The following HEPHL1 variants were observed in gnomAD, a reference collection of about 807,000 sequenced individuals.
The protein encoded by HEPHL1 is ferroxidase HEPHL1.
Under a neutral mutation model 122.0 loss-of-function variants are expected in HEPHL1, and 123 were observed. The ratio of observed to expected loss-of-function variants is 1.01; its 90% CI spans 0.87 to 1.17. HEPHL1 has a LOEUF of 1.17. HEPHL1 is among the 50% of genes most tolerant of loss of function. The pLI is 0.00. For missense variants in HEPHL1, 1,452 were observed against 1,430.5 expected (o/e 1.01, Z -0.24); for synonymous variants, 527 against 508.9 (o/e 1.04, Z -0.48).
chr11:94,109,375 C>G (rs987845153), intron 17 of HEPHL1, among the ~76,000 whole-genome samples: 1 of 152,082 alleles, frequency 6.6e-6, no homozygotes, highest in Non-Finnish European at 1.5e-5. Flanking sequence ...TGGCTAGGAC[C>G]TGTAGTGCAA....
intron 1 of HEPHL1, among the ~76,000 whole-genome samples, chr11:94,039,547 A>G: frequency 1.3e-5 from 2 of 151,690 alleles, no homozygotes; most frequent in South Asian, 4.2e-4. Context: ...CAATCAAACT[A>G]CAACTCAGGA....
chr11:94,047,330 G>A (rs530541539), intron 2 of HEPHL1, among the ~76,000 whole-genome samples: 1 of 152,234 alleles, frequency 6.6e-6, no homozygotes, highest in East Asian at 1.9e-4. Context: ...GTCCCCATTA[G>A]TTATTTTTCC....
chr11:94,091,632 A>C (rs1946264187), intron 12 of HEPHL1, among the ~76,000 whole-genome samples: 1 of 152,194 alleles, frequency 6.6e-6, no homozygotes, highest in Non-Finnish European at 1.5e-5. Context: ...ACTTTAGAAC[A>C]AGTATGTTCT....
chr11:94,090,378 AAT>A (rs1203200705), intron 12 of HEPHL1, among the ~76,000 whole-genome samples: 1 of 152,234 alleles, frequency 6.6e-6, no homozygotes, highest in African/African-American at 2.4e-5. Context: ...AATGTATAAA[AAT>A]ATAGCCTTTA....
At chr11:94,110,650 G>A (rs1468913121) in intron 17 of HEPHL1, among the ~76,000 whole-genome samples, 2 of 152,206 alleles carry the variant, frequency 1.3e-5, no homozygotes, top group Non-Finnish European at 2.9e-5. Context: ...ATGAATACCA[G>A]GAGGTGGGGA....
At chr11:94,094,666 T>C (rs1388956635) in intron 13 of HEPHL1, among the ~76,000 whole-genome samples, 1 of 152,204 alleles carries the variant, frequency 6.6e-6, no homozygotes, top group African/African-American at 2.4e-5. Flanking sequence ...ACCTGTTGTT[T>C]CCTGACTTTT....
rs970682196 is a variant in HEPHL1, at chr11:94,114,120, C to T, written c.*2226C>T. Among the ~76,000 whole-genome samples, 7 of 152,182 alleles carry T rather than the reference C, an allele frequency of 4.6e-5. No homozygotes were observed. Among genetic ancestry groups the T allele is most frequent in the Non-Finnish European group, 1.0e-4 (7 of 68,028 alleles). ...TTCATTCCCTTGGGTATCCATTTTTCCTCCTGCATCTTTCTATGAAACCAT... is the reference window on the plus strand; with the variant it reads ...TTCATTCCCTTGGGTATCCATTTTTTCTCCTGCATCTTTCTATGAAACCAT... On this transcript the variant is annotated 3_prime_UTR_variant, in exon 20 of 20. Coordinates refer to ENST00000315765, the MANE Select transcript of HEPHL1 (RefSeq NM_001098672.2).
intron 11 of HEPHL1, 49 bp from the exon 12 acceptor site, chr11:94,088,706 A>C (rs1208107463): frequency 2.1e-6 from 3 of 1,451,274 alleles, no homozygotes; most frequent in Non-Finnish European, 1.9e-6. Context: ...GACCATCACC[A>C]ACAAAAATAC....
Position 94,054,441 on chromosome 11 carries a change from C to G in HEPHL1, c.415+8524C>G. On this transcript the variant is annotated intron_variant, in intron 2 of 19. Coordinates refer to ENST00000315765, the MANE Select transcript of HEPHL1 (RefSeq NM_001098672.2). ...TTTCAACAGAAGCAGATTCTTCAAT[C>G]TACACTCAGTTAGTTCACACTTGTT... 2.0e-5 allele frequency among the ~76,000 whole-genome samples: 3 copies of G among 152,322 alleles called. 1 individual carries two copies. The highest frequency in any genetic ancestry group is 1.9e-4 in the East Asian group (1 of 5,176).
intron 1 of HEPHL1, among the ~76,000 whole-genome samples, chr11:94,043,371 G>A (rs1018076171): frequency 1.3e-5 from 2 of 152,144 alleles, no homozygotes; most frequent in African/African-American, 2.4e-5. Context: ...GATTTTCTCA[G>A]ATTTAACCAA....
intron 18 of HEPHL1, 61 bp downstream of exon 18, chr11:94,111,126 C>G: frequency 1.4e-6 from 2 of 1,441,418 alleles, no homozygotes; most frequent in Non-Finnish European, 9.3e-7. Context: ...ACCCCCAAAA[C>G]AGGAGGCATG....
chr11:94,042,875 T>TAAAAAAAAAAAAACAAAAAAAA (rs1945796392), intron 1 of HEPHL1, among the ~76,000 whole-genome samples: 1 of 63,168 alleles, frequency 1.6e-5, no homozygotes, highest in Non-Finnish European at 2.9e-5. Context: ...TAAAGTATAA[T>TAAAAAAAAAAAAACAAAAAAAA]AAAAAAAAAA....
rs771029544 is a variant in HEPHL1, at chr11:94,070,491, C to T, written c.1181C>T (p.Ala394Val). 2 of 1,611,006 alleles carry T rather than the reference C, an allele frequency of 1.2e-6. No individual in the cohort carries two copies. Among genetic ancestry groups the T allele is most frequent in the Non-Finnish European group, 1.7e-6 (2 of 1,178,506 alleles). Residue 394 changes from alanine (A) to valine (V), a missense_variant, in exon 6 of 20, where the codon GCT (alanine) becomes GTT (valine). Ala to Val is a moderately conservative substitution (Grantham distance 64). Transcript: ENST00000315765. ...IAAEKILWDYAPQGYNKFSGL... is the reference protein window; with the variant it reads ...IAAEKILWDYVPQGYNKFSGL... Reference sequence around the variant, plus strand: ...GCTGAAAAAATTCTTTGGGATTATGCTCCTCAAGGCTATAACAAATTCAGT... The same window carrying T: ...GCTGAAAAAATTCTTTGGGATTATGTTCCTCAAGGCTATAACAAATTCAGT...
At chr11:94,057,926 T>G (rs1182211261) in intron 2 of HEPHL1, among the ~76,000 whole-genome samples, 1 of 150,250 alleles carries the variant, frequency 6.7e-6, no homozygotes, top group East Asian at 2.0e-4. Flanking sequence ...CAACTCTAGG[T>G]TATTTTTTTT....
At chr11:94,079,348 A>G (rs922538991) in intron 9 of HEPHL1, among the ~76,000 whole-genome samples, 2 of 152,188 alleles carry the variant, frequency 1.3e-5, no homozygotes, top group African/African-American at 4.8e-5. Flanking sequence ...TTTAAAATAT[A>G]TTTTGATCCT....
At chr11:94,110,142 T>A in intron 17 of HEPHL1, among the ~76,000 whole-genome samples, 1 of 152,234 alleles carries the variant, frequency 6.6e-6, no homozygotes, top group East Asian at 1.9e-4. Flanking sequence ...CTTTTTAATA[T>A]TTGTAAGATT....
In HEPHL1 at chr11:94,045,733, T is replaced by G; in HGVS notation, c.231T>G (p.Ala77=). The change falls in exon 2 of 20, where the codon GCT becomes GCG. Residue 77 remains alanine (A), a synonymous_variant. Coordinates refer to ENST00000315765, the MANE Select transcript of HEPHL1 (RefSeq NM_001098672.2). ...GGATAGGCAGTATTTACAAAAAGGC[T>G]GTTTACAGACGCTTCACGGATGGAA... The part of the protein sequence containing the change: ...PNRIGSIYKK[A]VYRRFTDGTY... The G allele has an allele frequency of 6.2e-7, 1 of 1,613,624 alleles. No individual in the cohort carries two copies. Among genetic ancestry groups the G allele is most frequent in the South Asian group, 1.1e-5 (1 of 90,982 alleles).
intron 1 of HEPHL1, among the ~76,000 whole-genome samples, chr11:94,027,035 G>A (rs1350066522): frequency 6.6e-6 from 1 of 152,086 alleles, no homozygotes; most frequent in Non-Finnish European, 1.5e-5. Context: ...GTGTTGTCAG[G>A]GCCACAATGC....
intron 2 of HEPHL1, among the ~76,000 whole-genome samples, chr11:94,058,000 G>A (rs1348175919): frequency 6.6e-6 from 1 of 151,916 alleles, no homozygotes; most frequent in Non-Finnish European, 1.5e-5. Context: ...ATAGTGTGTG[G>A]CCACTGAGAT....
Sources: gnomAD v4.1 joint callset for allele counts (sites outside exome capture counted in the v4.1 genomes callset) on GRCh38, gnomAD v4.1.1 for gene constraint, MANE v1.5 for transcripts, NCBI Gene and HGNC (gene_info 2026-07-23, HGNC 2026-07-21) for gene names.